CEP120: variants seen among roughly 807,000 people sequenced by gnomAD.
CEP120 encodes centrosomal protein of 120 kDa.
A neutral mutation model predicts 126.5 loss-of-function variants in CEP120; 113 were observed. The observed-to-expected ratio is 0.89, with a 90% CI of 0.77 to 1.04. The LOEUF (loss-of-function observed/expected upper bound fraction) is 1.04. CEP120 is among the 50% of genes least tolerant of loss of function. The pLI, the probability that CEP120 is intolerant of heterozygous loss-of-function variation, is 0.00. For synonymous variants in CEP120, 400 were observed against 394.3 expected (o/e 1.01, Z -0.17); for missense variants, 1,230 against 1,155.7 (o/e 1.06, Z -0.93).
chr5:123,395,482 T>C (rs1254162684), intron 5 of CEP120, among the ~76,000 whole-genome samples: 2 of 152,140 alleles, frequency 1.3e-5, no homozygotes, highest in Non-Finnish European at 2.9e-5. Context: ...ATACAATCAT[T>C]AAGCAGCAAC....
At chr5:123,373,070 A>G (rs1277643689) in intron 16 of CEP120, among the ~76,000 whole-genome samples, 2 of 152,088 alleles carry the variant, frequency 1.3e-5, no homozygotes, top group African/African-American at 4.8e-5. Context: ...AAATCCTAAC[A>G]CTTTCTTTAC....
chr5:123,408,508 T>G (rs1184193552), intron 4 of CEP120, among the ~76,000 whole-genome samples: 1 of 152,136 alleles, frequency 6.6e-6, no homozygotes, highest in Non-Finnish European at 1.5e-5. Context: ...CCCACAAATT[T>G]GATAATCTAG....
chr5:123,380,875 G>A (rs947285142), intron 14 of CEP120, among the ~76,000 whole-genome samples: 4 of 152,092 alleles, frequency 2.6e-5, no homozygotes, highest in South Asian at 4.2e-4. Flanking sequence ...AGGATAACTC[G>A]CATAATGTTA....
Position 123,391,139 on chromosome 5 carries a change from C to A in CEP120, c.1009G>T (p.Ala337Ser). Reference sequence around the variant, plus strand: ...GAGTCTATGCCTTCTCTCTGCAGAGCCACAGACACTCCCACAGTTGGGGCT... The same window carrying A: ...GAGTCTATGCCTTCTCTCTGCAGAGACACAGACACTCCCACAGTTGGGGCT... ...ELAPTVGVSV[A>S]LQREGIDSQS... The change falls in exon 7 of 20, where the codon GCT becomes TCT. Residue 337 changes from alanine to serine, a missense_variant. Coordinates refer to ENST00000306467, the MANE Select transcript of CEP120 (RefSeq NM_001375405.1). 1 of 1,614,078 alleles carries A rather than the reference C, an allele frequency of 6.2e-7. No homozygotes were observed. The highest frequency in any genetic ancestry group is 8.5e-7 in the Non-Finnish European group (1 of 1,179,958).
chr5:123,418,712 T>C (rs1774530393), intron 1 of CEP120, among the ~76,000 whole-genome samples, 197 bp from the exon 2 acceptor site: 1 of 151,778 alleles, frequency 6.6e-6, no homozygotes, highest in Non-Finnish European at 1.5e-5. Flanking sequence ...TTCTCCTACC[T>C]GAGCCTCCCA....
rs543207171 is a variant in CEP120, at chr5:123,354,223, T to C, written c.2581-4134A>G. On this transcript the variant is annotated intron_variant, in intron 18 of 19. Transcript: ENST00000306467. The stretch of plus-strand genomic sequence containing the variant: ...TTCACTCATTTGGGGACATTTCTTA[T>C]TATCTTTTTATTTCTAGCTAAATAT... Among the ~76,000 whole-genome samples the C allele has an allele frequency of 9.2e-5, 14 of 152,244 alleles. No homozygotes were observed. The South Asian group carries it at 2.9e-3, about 32-fold the overall frequency.
At chr5:123,375,855 C>T (rs1014001281) in intron 16 of CEP120, among the ~76,000 whole-genome samples, 2 of 152,106 alleles carry the variant, frequency 1.3e-5, no homozygotes, top group African/African-American at 4.8e-5. Context: ...TTTACAACCA[C>T]CTAAATAATG....
chr5:123,353,766 T>C (rs1248389391), intron 18 of CEP120, among the ~76,000 whole-genome samples: 2 of 152,008 alleles, frequency 1.3e-5, no homozygotes, highest in South Asian at 2.1e-4. Context: ...TATCCTCTTA[T>C]CTCTGTAAAT....
chr5:123,369,616 C>T (rs992959933), intron 17 of CEP120, among the ~76,000 whole-genome samples: 18 of 151,908 alleles, frequency 1.2e-4, no homozygotes, highest in African/African-American at 4.1e-4. Context: ...TCCCAGGACA[C>T]ACCTTCTATA....
intron 4 of CEP120, among the ~76,000 whole-genome samples, chr5:123,400,763 G>T (rs530857346): frequency 6.6e-5 from 10 of 151,292 alleles, no homozygotes; most frequent in Admixed American, 6.6e-4. Flanking sequence ...GCAAAGGGGG[G>T]GTCCCCAGGC....
chr5:123,352,304 GTTTATTCC>G (rs1769247650), intron 18 of CEP120, among the ~76,000 whole-genome samples: 2 of 151,896 alleles, frequency 1.3e-5, no homozygotes, highest in African/African-American at 4.8e-5. Flanking sequence ...AGATTTTTCT[GTTTATTCC>G]TTTTTGGTTA....
chr5:123,420,025 A>G (rs1774622175), intron 1 of CEP120, among the ~76,000 whole-genome samples: 2 of 152,144 alleles, frequency 1.3e-5, no homozygotes, highest in African/African-American at 4.8e-5. Flanking sequence ...GAAGTGTAGG[A>G]ATTAAGCTGT....
intron 4 of CEP120, chr5:123,401,019 C>G (rs1773183827): frequency 4.5e-6 from 7 of 1,564,838 alleles, no homozygotes; most frequent in Non-Finnish European, 5.2e-6. Flanking sequence ...GCTGAAGGAG[C>G]TGGCGCCCAG....
chr5:123,401,905 G>A, intron 4 of CEP120: 6 of 1,558,392 alleles, frequency 3.9e-6, no homozygotes, highest in Non-Finnish European at 5.3e-6. Context: ...TGCCGCCTAA[G>A]GTTGTTGATG....
chr5:123,382,194 G>T lies in CEP120; in HGVS notation c.2020C>A (p.Gln674Lys). 1 of 1,596,322 alleles carries T rather than the reference G, an allele frequency of 6.3e-7. No individual in the cohort carries two copies. The highest frequency in any genetic ancestry group is 2.3e-5 in the East Asian group (1 of 44,310). ...QEDIFENQLK[Q>K]KELAHMQALA... is the part of the protein sequence containing the mutation. Reference sequence around the variant, plus strand: ...GCCTGCATATGAGCCAGTTCTTTCTGCTTCAGCTACAAAAGGAAGAAAAAT... The same window carrying T: ...GCCTGCATATGAGCCAGTTCTTTCTTCTTCAGCTACAAAAGGAAGAAAAAT... The change falls in exon 14 of 20, where the codon CAG (glutamine) becomes AAG (lysine). Residue 674 changes from glutamine to lysine, a missense_variant. Physicochemically the swap from Gln to Lys is moderately conservative, Grantham distance 53 (BLOSUM62 1). Transcript: ENST00000306467.
chr5:123,367,183 T>A (rs546806816), intron 17 of CEP120, among the ~76,000 whole-genome samples: 21 of 151,928 alleles, frequency 1.4e-4, no homozygotes, highest in Non-Finnish European at 2.6e-4. Flanking sequence ...GTACTTTTTC[T>A]CTTCCTGTCT....
chr5:123,418,713 G>A (rs1774530534), intron 1 of CEP120, among the ~76,000 whole-genome samples, 198 bp from the exon 2 acceptor site: 2 of 151,182 alleles, frequency 1.3e-5, no homozygotes, highest in South Asian at 4.2e-4. Flanking sequence ...TCTCCTACCT[G>A]AGCCTCCCAA....
intron 1 of CEP120, 39 bp from the exon 2 acceptor site, chr5:123,418,554 A>G (rs757827718): frequency 2.0e-6 from 3 of 1,501,862 alleles, no homozygotes; most frequent in East Asian, 4.6e-5. Context: ...AAAAGTGTAC[A>G]AAAATCAAAC....
Position 123,346,606 on chromosome 5 carries a change from C to T in CEP120, c.2874G>A (p.Thr958=), listed in dbSNP as rs764202988. 21 of 1,613,874 alleles carry T rather than the reference C, an allele frequency of 1.3e-5. No homozygotes were observed. Among genetic ancestry groups the T allele is most frequent in the Admixed American group, 1.2e-4 (7 of 59,964 alleles). The change falls in exon 20 of 20, where the codon ACG becomes ACA. Residue 958 remains threonine, a synonymous_variant. Coordinates refer to ENST00000306467, the MANE Select transcript of CEP120 (RefSeq NM_001375405.1). ...TTCGATCCTCGTGATTATACACACCCGTTCTCATCAAAGTATCCCTTTCTT... is the reference window on the plus strand; with the variant it reads ...TTCGATCCTCGTGATTATACACACCTGTTCTCATCAAAGTATCCCTTTCTT... ...LIEERDTLMR[T]GVYNHEDRII... is the part of the protein sequence containing the mutation.
Sources: gnomAD v4.1 joint callset for allele counts (sites outside exome capture counted in the v4.1 genomes callset) on GRCh38, gnomAD v4.1.1 for gene constraint, MANE v1.5 for transcripts, NCBI Gene and HGNC (gene_info 2026-07-23, HGNC 2026-07-21) for gene names.